PSG3: variants seen among roughly 807,000 people sequenced by gnomAD.
PSG3 encodes the protein pregnancy-specific beta-1-glycoprotein 3.
In PSG3, 61 loss-of-function variants were observed where a neutral mutation model predicts 47.5. The ratio of observed to expected loss-of-function variants is 1.28; its 90% CI spans 1.05 to 1.59. PSG3 has a LOEUF of 1.59. PSG3 is among the 40% of genes most tolerant of loss of function. The probability of loss-of-function intolerance (pLI) is 0.00; values close to 1 mark genes in which losing one functional copy is unlikely to be tolerated. For synonymous variants in PSG3, 263 were observed against 198.4 expected (o/e 1.33, Z -2.74); for missense variants, 756 against 524.0 (o/e 1.44, Z -4.32).
In PSG3 at chr19:42,738,747, C is replaced by G. The variant is rs749381207; in HGVS notation, c.407G>C (p.Gly136Ala). ...KRGDGTRGETGHFTFTLYLET... is the reference protein window; with the variant it reads ...KRGDGTRGETAHFTFTLYLET... ...ACGGTATAAGGTGAAGGTGAAATGT[C>G]CAGTTTCTCCTCTAGTCCCATCACC... The change falls in exon 2 of 7, where the codon GGA (glycine) becomes GCA (alanine). Residue 136 changes from glycine (G) to alanine (A), a missense_variant. Transcript: ENST00000327495. 2.5e-6 allele frequency: 4 copies of G among 1,613,932 alleles called. No homozygotes were observed. The highest frequency in any genetic ancestry group is 3.4e-6 in the Non-Finnish European group (4 of 1,179,872).
In PSG3 at chr19:42,725,890, CAA is replaced by C. The variant is rs200684147; in HGVS notation, c.1244-1867_1244-1866del. Among the ~76,000 whole-genome samples, 211 of 68,036 alleles carry C rather than the reference CAA, an allele frequency of 3.1e-3. 4 individuals are homozygous for C. The highest frequency in any genetic ancestry group is 0.012 in the African/African-American group (194 of 16,030). The allele number at this position is 68,036 out of a possible 152,430, so 44.6% of individuals were successfully genotyped here. On this transcript the variant is annotated intron_variant, in intron 5 of 6. Transcript: ENST00000327495. ...TCTCTCTCTCTTCAACAACAACAAC[CAA>C]AAAAAAAAAAAAAAAAAGAAAAAAG...
intron 2 of PSG3, among the ~76,000 whole-genome samples, chr19:42,737,357 T>C (rs1337988568): frequency 6.6e-6 from 1 of 152,110 alleles, no homozygotes; most frequent in Non-Finnish European, 1.5e-5. Flanking sequence ...CTTCATTTGT[T>C]ATGTAAGAGC....
rs1486309880 is a variant in PSG3, at chr19:42,729,284, G to C, written c.1082C>G (p.Pro361Arg). ...YLSCFADSNP[P>R]AEYSWTINGK... ...ATTAATTGTCCAAGAATATTCTGCT[G>C]GTGGGTTAGAGTCCGCGAAGCAGGA... Residue 361 changes from proline to arginine, a missense_variant, in exon 5 of 7, where the codon CCA (proline) becomes CGA (arginine). Pro to Arg is a moderately radical substitution (Grantham distance 103). Coordinates refer to ENST00000327495, the MANE Select transcript of PSG3 (RefSeq NM_021016.4). The C allele has an allele frequency of 6.2e-7, 1 of 1,614,008 alleles. No individual in the cohort carries two copies.
At position 42,729,132 on chromosome 19, in the gene PSG3, T is replaced by C. The variant is rs17420676; in HGVS notation, c.1234A>G (p.Lys412Glu). ...GCTGGGATCCACTTACCAGAGACTTTGACTGTCATGGATTTGGAGCTTTCC... is the reference window on the plus strand; with the variant it reads ...GCTGGGATCCACTTACCAGAGACTTCGACTGTCATGGATTTGGAGCTTTCC... Reference protein sequence around the residue: ...GMESSKSMTVKVSAPSGTGHL... With the variant: ...GMESSKSMTVEVSAPSGTGHL... The change falls in exon 5 of 7, where the codon AAA becomes GAA. Residue 412 changes from lysine to glutamate, a missense_variant. Coordinates refer to ENST00000327495, the MANE Select transcript of PSG3 (RefSeq NM_021016.4). 19,689 of 1,613,986 alleles carry C rather than the reference T, an allele frequency of 0.012. 152 individuals are homozygous for C. Among genetic ancestry groups the C allele is most frequent in the Middle Eastern group, 0.023 (141 of 6,054 alleles).
intron 5 of PSG3, among the ~76,000 whole-genome samples, chr19:42,725,890 C>CAAAAAAAAAAAA (rs200684147): frequency 1.8e-3 from 122 of 67,992 alleles, no homozygotes; most frequent in African/African-American, 2.1e-3. Context: ...CAACAACAAC[C>CAAAAAAAAAAAA]AAAAAAAAAA....
chr19:42,737,481 C>T lies in PSG3; in HGVS notation c.430+1243G>A, dbSNP rs1969584845. Among the ~76,000 whole-genome samples the T allele has an allele frequency of 2.0e-5, 3 of 152,224 alleles. No individual in the cohort carries two copies. In the South Asian group the frequency reaches 6.2e-4, roughly 32 times the overall value. On this transcript the variant is annotated intron_variant, in intron 2 of 6. Transcript: ENST00000327495. ...ACAGTGACATGGACACTTTGGGAAA[C>T]ACAGGATTTCAGGTTCAGTGATGGT... is the stretch of plus-strand genomic sequence containing the variant.
intron 5 of PSG3, among the ~76,000 whole-genome samples, chr19:42,724,502 G>T (rs149720486): frequency 1.3e-5 from 2 of 152,164 alleles, no homozygotes; most frequent in African/African-American, 2.4e-5. Context: ...CAGCAAGGGC[G>T]TGAAAGCAAG....
chr19:42,724,744 C>G (rs1969349130), intron 5 of PSG3, among the ~76,000 whole-genome samples: 1 of 152,028 alleles, frequency 6.6e-6, no homozygotes, highest in Non-Finnish European at 1.5e-5. Flanking sequence ...TGTCTAATCC[C>G]ATCTTGGATG....
chr19:42,723,853 T>G (rs559977141), intron 6 of PSG3, 89 bp downstream of exon 6: 12 of 1,026,918 alleles, frequency 1.2e-5, no homozygotes, highest in South Asian at 9.6e-5. Context: ...GGAGATCCAG[T>G]CCCAGATACA....
Position 42,729,168 on chromosome 19 carries a change from C to T in PSG3, c.1198G>A (p.Ala400Thr), listed in dbSNP as rs367635956. The T allele has an allele frequency of 4.3e-6, 7 of 1,613,974 alleles. No homozygotes were observed. The highest frequency in any genetic ancestry group is 5.9e-6 in the Non-Finnish European group (7 of 1,179,864). ...GLYACSVRNSATGMESSKSMT... is the reference protein window; with the variant it reads ...GLYACSVRNSTTGMESSKSMT... ...GATTTGGAGCTTTCCATGCCAGTGG[C>T]TGAGTTACGAACAGAGCAAGCATAG... Residue 400 changes from alanine (A) to threonine (T), a missense_variant, in exon 5 of 7, where the codon GCC (alanine) becomes ACC (threonine). By Grantham distance (58) the Ala-to-Thr change is moderately conservative (BLOSUM62 0). Transcript: ENST00000327495.
chr19:42,723,687 T>C (rs1600377209), intron 6 of PSG3, among the ~76,000 whole-genome samples: 1 of 152,176 alleles, frequency 6.6e-6, no homozygotes, highest in South Asian at 2.1e-4. Flanking sequence ...CCATGTGAAA[T>C]TGTGTTTTTC....
At chr19:42,733,694 C>G (rs1039771297) in intron 2 of PSG3, 2 of 156,642 alleles carry the variant, frequency 1.3e-5, no homozygotes, top group African/African-American at 4.8e-5. Context: ...GAGCCAGTGA[C>G]CTCTAAAGAT....
chr19:42,732,661 C>G (rs1297526019), intron 3 of PSG3, 123 bp downstream of exon 3: 15 of 1,608,342 alleles, frequency 9.3e-6, no homozygotes, highest in Non-Finnish European at 1.2e-5. Context: ...AAGTCATGGC[C>G]AGGTTTGATG....
chr19:42,724,243 T>C (rs1287649736), intron 5 of PSG3, among the ~76,000 whole-genome samples: 1 of 152,202 alleles, frequency 6.6e-6, no homozygotes, highest in East Asian at 1.9e-4. Flanking sequence ...GTCAATTCTC[T>C]ACTGTGCTCA....
At chr19:42,738,381 G>A (rs1057341809) in intron 2 of PSG3, among the ~76,000 whole-genome samples, 3 of 152,168 alleles carry the variant, frequency 2.0e-5, no homozygotes, top group Admixed American at 6.6e-5. Flanking sequence ...GTATTTCATG[G>A]GGCCCCTGAG....
intron 3 of PSG3, among the ~76,000 whole-genome samples, chr19:42,730,341 C>T (rs532838012): frequency 1.3e-5 from 2 of 152,284 alleles, no homozygotes; most frequent in Admixed American, 6.5e-5. Flanking sequence ...CCCTGGTACC[C>T]CTCCCAGTCC....
At position 42,731,838 on chromosome 19, in the gene PSG3, C is replaced by G. The variant is rs1465274368; in HGVS notation, c.709+946G>C. 1.3e-5 allele frequency: 2 copies of G among 151,224 alleles called. 1 individual carries two copies. Among genetic ancestry groups the G allele is most frequent in the African/African-American group, 4.9e-5 (2 of 40,546 alleles). The allele number at this position is 151,224 out of a possible 1,614,324, so 9.4% of individuals were successfully genotyped here. On this transcript the variant is annotated intron_variant, in intron 3 of 6. Coordinates refer to ENST00000327495, the MANE Select transcript of PSG3 (RefSeq NM_021016.4). Reference sequence around the variant, plus strand: ...TAGTTTTCAGGGTATAATCATTTGACTTTTTGGTTAAACTTATTTCAAAAT... The same window carrying G: ...TAGTTTTCAGGGTATAATCATTTGAGTTTTTGGTTAAACTTATTTCAAAAT...
chr19:42,740,093 C>G (rs950920521), intron 1 of PSG3, among the ~76,000 whole-genome samples: 8 of 152,072 alleles, frequency 5.3e-5, no homozygotes, highest in African/African-American at 9.7e-5. Context: ...GCTAGGATTA[C>G]TGGAGCACAC....
chr19:42,739,387 A>T, intron 1 of PSG3: 1 of 393,262 alleles, frequency 2.5e-6, no homozygotes, highest in Non-Finnish European at 4.6e-6. Context: ...CACTGCCCTC[A>T]GGTCCTGCTC....
Sources: gnomAD v4.1 joint callset for allele counts (sites outside exome capture counted in the v4.1 genomes callset) on GRCh38, gnomAD v4.1.1 for gene constraint, MANE v1.5 for transcripts, NCBI Gene and HGNC (gene_info 2026-07-23, HGNC 2026-07-21) for gene names.